CDH4: variants seen among roughly 807,000 people sequenced by gnomAD.
The protein encoded by CDH4 is cadherin 4.
Under a neutral mutation model 86.0 loss-of-function variants are expected in CDH4, and 33 were observed. The observed-to-expected ratio is 0.38, with a 90% CI of 0.29 to 0.51. The LOEUF (loss-of-function observed/expected upper bound fraction) is 0.51. CDH4 is among the 20% of genes least tolerant of loss of function. CDH4 has a pLI of 0.86. For synonymous variants in CDH4, 555 were observed against 549.4 expected (o/e 1.01, Z -0.14); for missense variants, 1,114 against 1,307.4 (o/e 0.85, Z 2.28).
At chr20:61,750,487 T>C (rs1029873827) in intron 3 of CDH4, among the ~76,000 whole-genome samples, 3 of 152,200 alleles carry the variant, frequency 2.0e-5, no homozygotes, top group African/African-American at 7.2e-5. Context: ...CAAAGAACTG[T>C]CCACACCTGT....
chr20:61,521,783 C>T (rs1568875704), intron 2 of CDH4, among the ~76,000 whole-genome samples: 5 of 152,170 alleles, frequency 3.3e-5, no homozygotes, highest in Admixed American at 2.6e-4. Context: ...TGAGCCCGGC[C>T]GTCTGTATCT....
intron 2 of CDH4, among the ~76,000 whole-genome samples, chr20:61,371,211 C>G (rs115240948): frequency 0.021 from 3,145 of 152,240 alleles, 113 homozygotes; most frequent in African/African-American, 0.071. Flanking sequence ...CTGTGCAGTG[C>G]TGGCGGTGAT....
intron 2 of CDH4, among the ~76,000 whole-genome samples, chr20:61,714,302 T>A (rs1484036464): frequency 6.6e-6 from 1 of 152,150 alleles, no homozygotes; most frequent in Non-Finnish European, 1.5e-5. Flanking sequence ...CGCCTCAGCT[T>A]CCCAAAGTGC....
intron 2 of CDH4, among the ~76,000 whole-genome samples, chr20:61,732,851 C>T (rs1361245616): frequency 3.9e-5 from 6 of 152,318 alleles, no homozygotes; most frequent in South Asian, 4.2e-4. Flanking sequence ...CTGTGTTGCC[C>T]GAGGCTTTGA....
At chr20:61,361,281 G>T (rs28599543) in intron 2 of CDH4, among the ~76,000 whole-genome samples, 1 of 151,726 alleles carries the variant, frequency 6.6e-6, no homozygotes, top group African/African-American at 2.4e-5. Flanking sequence ...AGACTTGCAC[G>T]CATGGATCTT....
chr20:61,936,989 C>G lies in CDH4; in HGVS notation c.*46C>G. ...CGAAGTGAGAGCCGTGCTCGGACGC[C>G]GGAGGAGCAGGACTGAGCAGAGGCG... is the stretch of plus-strand genomic sequence containing the variant. On this transcript the variant is annotated 3_prime_UTR_variant, in exon 16 of 16. Transcript: ENST00000614565. 1 of 1,508,784 alleles carries G rather than the reference C, an allele frequency of 6.6e-7. No individual in the cohort carries two copies. The highest frequency in any genetic ancestry group is 8.9e-7 in the Non-Finnish European group (1 of 1,117,380). The allele number at this position is 1,508,784 out of a possible 1,614,324, so 93.5% of individuals were successfully genotyped here. A position where few individuals can be genotyped will look rare whatever the true frequency, so the allele number is the denominator to read the frequency against.
At chr20:61,669,865 G>T (rs976531322) in intron 2 of CDH4, among the ~76,000 whole-genome samples, 2 of 152,148 alleles carry the variant, frequency 1.3e-5, no homozygotes, top group African/African-American at 4.8e-5. Flanking sequence ...TGCAGGACAC[G>T]GCTCTGGGAG....
At chr20:61,465,779 A>G (rs565834706) in intron 2 of CDH4, among the ~76,000 whole-genome samples, 1 of 152,068 alleles carries the variant, frequency 6.6e-6, no homozygotes, top group African/African-American at 2.4e-5. Flanking sequence ...TTTTGACCCT[A>G]TGGAATTGTT....
At chr20:61,528,472 A>AGGGGGG (rs2085929003) in intron 2 of CDH4, among the ~76,000 whole-genome samples, 1 of 34,360 alleles carries the variant, frequency 2.9e-5, no homozygotes, top group African/African-American at 1.3e-4. Flanking sequence ...AGGGAGGGGG[A>AGGGGGG]GGGGGAGAAA....
At chr20:61,520,557 T>A (rs997461078) in intron 2 of CDH4, among the ~76,000 whole-genome samples, 1 of 152,218 alleles carries the variant, frequency 6.6e-6, no homozygotes, top group African/African-American at 2.4e-5. Flanking sequence ...AAGTGAGGGC[T>A]CTGGCATTGC....
intron 4 of CDH4, among the ~76,000 whole-genome samples, chr20:61,795,207 C>G (rs2146022979): frequency 1.4e-5 from 1 of 72,222 alleles, no homozygotes; most frequent in South Asian, 4.9e-4. Flanking sequence ...TAGTATTTAT[C>G]ATTGCTACCA....
At chr20:61,647,155 T>C (rs1047273533) in intron 2 of CDH4, among the ~76,000 whole-genome samples, 1 of 152,192 alleles carries the variant, frequency 6.6e-6, no homozygotes, top group East Asian at 1.9e-4. Flanking sequence ...CCAGCCAGTA[T>C]AGCGCCAGGC....
At chr20:61,808,904 A>G (rs1322349391) in intron 4 of CDH4, among the ~76,000 whole-genome samples, 1 of 152,230 alleles carries the variant, frequency 6.6e-6, no homozygotes, top group Admixed American at 6.5e-5. Flanking sequence ...TTATGGAGTC[A>G]TTGTTTAACA....
At chr20:61,499,760 T>G (rs1271512992) in intron 2 of CDH4, among the ~76,000 whole-genome samples, 1 of 152,150 alleles carries the variant, frequency 6.6e-6, no homozygotes, top group Non-Finnish European at 1.5e-5. Context: ...GAACAGGGCT[T>G]ATGAGCAAGG....
Position 61,807,887 on chromosome 20 carries a change from T to G in CDH4, c.576+34705T>G, listed in dbSNP as rs1980224872. On this transcript the variant is annotated intron_variant, in intron 4 of 15. Transcript: ENST00000614565. This position sits in a 1 kb window ranked among gnomAD's most constrained non-coding sequence, Gnocchi z 4.5. ...AGAGGCCGTCCACTGGGCAGCAGGC[T>G]GTGGGCCTGGCGGGATGCAGGCACA... Among the ~76,000 whole-genome samples, 1 of 152,194 alleles carries G rather than the reference T, an allele frequency of 6.6e-6. No homozygotes were observed. The highest frequency in any genetic ancestry group is 2.4e-5 in the African/African-American group (1 of 41,466).
At chr20:61,427,400 T>C (rs2085220942) in intron 2 of CDH4, among the ~76,000 whole-genome samples, 1 of 151,972 alleles carries the variant, frequency 6.6e-6, no homozygotes, top group South Asian at 2.1e-4. Context: ...TCTGCAGGGG[T>C]TTTTAGAGGC....
rs571557824 is a variant in CDH4, at chr20:61,796,103, G to A, written c.576+22921G>A. ...CAGACCACCATCCAGGGAGGCTCCC[G>A]GACCGCTGCCTCCTCACCCTGTGGG... On this transcript the variant is annotated intron_variant, in intron 4 of 15. Transcript: ENST00000614565. Among the ~76,000 whole-genome samples, 23 of 152,192 alleles carry A rather than the reference G, an allele frequency of 1.5e-4. No homozygotes were observed. The East Asian group carries it at 1.9e-3, about 13-fold the overall frequency.
chr20:61,937,985 C>CAGTT lies in CDH4; in HGVS notation c.*1044_*1047dup, dbSNP rs1398327248. The CAGTT allele has an allele frequency of 6.6e-6, 1 of 152,428 alleles. No homozygotes were observed. The highest frequency in any genetic ancestry group is 1.5e-5 in the Non-Finnish European group (1 of 68,254). The allele number at this position is 152,428 out of a possible 1,614,324, so 9.4% of individuals were successfully genotyped here. ...GACCCTCCCTGGCAGCTGAAGAGGG[C>CAGTT]AGTTACGGTTGGGCGTGGTGACCAG... On this transcript the variant is annotated 3_prime_UTR_variant, in exon 16 of 16. Coordinates refer to ENST00000614565, the MANE Select transcript of CDH4 (RefSeq NM_001794.5).
At position 61,455,910 on chromosome 20, in the gene CDH4, G is replaced by T. The variant is rs117521300; in HGVS notation, c.169+200973G>T. ...GGATATATGGGTGGATGGAGAATAG[G>T]ATGGAGAGAATGAAGGATGGGTGGA... On this transcript the variant is annotated intron_variant, in intron 2 of 15. Coordinates refer to ENST00000614565, the MANE Select transcript of CDH4 (RefSeq NM_001794.5). Among the ~76,000 whole-genome samples, 850 of 152,256 alleles carry T rather than the reference G, an allele frequency of 5.6e-3. 6 individuals are homozygous for T. The highest frequency in any genetic ancestry group is 7.1e-3 in the Non-Finnish European group (483 of 68,016).
Sources: gnomAD v4.1 joint callset for allele counts (sites outside exome capture counted in the v4.1 genomes callset) on GRCh38, gnomAD v4.1.1 for gene constraint, Gnocchi (gnomAD v3.1) non-coding constraint, MANE v1.5 for transcripts, NCBI Gene and HGNC (gene_info 2026-07-23, HGNC 2026-07-21) for gene names.